WWOX: variants seen among roughly 807,000 people sequenced by gnomAD.
The protein encoded by WWOX is WW domain containing oxidoreductase.
WWOX carries 69 observed loss-of-function variants against 46.2 expected under a neutral mutation model. That is an observed-to-expected ratio of 1.49 (90% CI 1.23 to 1.82). The LOEUF (loss-of-function observed/expected upper bound fraction) is 1.82, where lower values mean the gene tolerates loss of function less well. Among genes scored for constraint, WWOX ranks in the 40% most tolerant of loss-of-function variants. The probability of loss-of-function intolerance (pLI) is 0.00; values close to 1 mark genes in which losing one functional copy is unlikely to be tolerated. For synonymous variants in WWOX, 359 were observed against 202.6 expected, an observed-to-expected ratio of 1.77 and a Z score of -6.56; for missense variants, 919 against 542.6, an observed-to-expected ratio of 1.69 and a Z score of -6.89.
At chr16:78,590,702 A>C (rs1476660847) in intron 8 of WWOX, among the ~76,000 whole-genome samples, 2 of 152,228 alleles carry the variant, frequency 1.3e-5, no homozygotes, top group Non-Finnish European at 2.9e-5. Context: ...GAGAAGGCAC[A>C]TCTCTACGTT....
At chr16:78,408,204 C>G (rs969133348) in intron 6 of WWOX, among the ~76,000 whole-genome samples, 1 of 152,184 alleles carries the variant, frequency 6.6e-6, no homozygotes, top group Non-Finnish European at 1.5e-5. Context: ...GTGCACTCTT[C>G]TGATTGATCC....
intron 8 of WWOX, among the ~76,000 whole-genome samples, chr16:79,074,967 G>A (rs775062517): frequency 7.9e-5 from 12 of 152,076 alleles, no homozygotes; most frequent in African/African-American, 2.9e-4. Context: ...AGTGGGAAAC[G>A]TCAGCTCTCT....
chr16:79,200,102 A>G (rs1597468853), intron 8 of WWOX, among the ~76,000 whole-genome samples: 1 of 152,142 alleles, frequency 6.6e-6, no homozygotes, highest in East Asian at 1.9e-4. Context: ...ACGAAGAGCA[A>G]TTTGCAGAAG....
intron 8 of WWOX, among the ~76,000 whole-genome samples, chr16:79,116,641 A>G (rs558956610): frequency 1.3e-5 from 2 of 152,246 alleles, no homozygotes; most frequent in South Asian, 2.1e-4. Flanking sequence ...TCTACCACAT[A>G]TGAGTCTTGA....
At chr16:79,207,908 A>G (rs190214520) in intron 8 of WWOX, among the ~76,000 whole-genome samples, 3 of 152,202 alleles carry the variant, frequency 2.0e-5, no homozygotes, top group Admixed American at 1.3e-4. Context: ...CAGTTATCAA[A>G]TGAATGTTGA....
intron 8 of WWOX, among the ~76,000 whole-genome samples, chr16:78,512,669 T>A (rs16947866): frequency 1.3e-5 from 2 of 152,176 alleles, no homozygotes; most frequent in African/African-American, 4.8e-5. Context: ...TCAATGAGAC[T>A]CATTTCGCAG....
chr16:79,106,151 G>A (rs888954096), intron 8 of WWOX, among the ~76,000 whole-genome samples: 13 of 152,192 alleles, frequency 8.5e-5, no homozygotes, highest in African/African-American at 1.7e-4. Flanking sequence ...GACCTACTGC[G>A]TCTGGGGGCA....
At chr16:78,401,547 GGAAA>G (rs1403085627) in intron 6 of WWOX, among the ~76,000 whole-genome samples, 15 of 152,230 alleles carry the variant, frequency 9.9e-5, no homozygotes, top group African/African-American at 2.9e-4. Flanking sequence ...ATGATTTAGG[GGAAA>G]GAGTCTGGAG....
intron 8 of WWOX, among the ~76,000 whole-genome samples, chr16:78,981,528 T>G (rs538382732): frequency 1.3e-5 from 2 of 151,998 alleles, no homozygotes; most frequent in South Asian, 2.1e-4. Flanking sequence ...ACCTCCACTT[T>G]CCGGGTTCAG....
intron 8 of WWOX, among the ~76,000 whole-genome samples, chr16:78,692,930 A>C (rs1469349945): frequency 1.3e-5 from 2 of 152,230 alleles, no homozygotes; most frequent in African/African-American, 2.4e-5. Context: ...ATGGTGTTTT[A>C]AAGCTAAAAC....
At chr16:79,165,561 G>T (rs1019014877) in intron 8 of WWOX, among the ~76,000 whole-genome samples, 3 of 152,126 alleles carry the variant, frequency 2.0e-5, no homozygotes, top group Non-Finnish European at 2.9e-5. Context: ...GTTTCAGCTG[G>T]GGTGCAGTTG....
At chr16:78,864,386 G>T (rs1289169023) in intron 8 of WWOX, among the ~76,000 whole-genome samples, 1 of 151,796 alleles carries the variant, frequency 6.6e-6, no homozygotes, top group African/African-American at 2.4e-5. Flanking sequence ...TCCCACCTCA[G>T]CCTCCTGAGT....
chr16:78,700,232 C>G (rs1157635072), intron 8 of WWOX, among the ~76,000 whole-genome samples: 7 of 150,566 alleles, frequency 4.6e-5, no homozygotes, highest in Non-Finnish European at 7.4e-5. Flanking sequence ...TGTCAGGGCA[C>G]CAGCATGGTT....
At chr16:78,473,952 G>A (rs2084295697) in intron 8 of WWOX, among the ~76,000 whole-genome samples, 1 of 152,168 alleles carries the variant, frequency 6.6e-6, no homozygotes. Context: ...TAATTCCTTG[G>A]AGGAACTTCT....
At chr16:79,000,954 G>T (rs543239236) in intron 8 of WWOX, among the ~76,000 whole-genome samples, 180 of 152,264 alleles carry the variant, frequency 1.2e-3, no homozygotes, top group African/African-American at 4.2e-3. Flanking sequence ...AATAGTGTGT[G>T]GTTCAACTAT....
At chr16:78,440,685 C>A (rs758589030) in intron 8 of WWOX, among the ~76,000 whole-genome samples, 1 of 151,730 alleles carries the variant, frequency 6.6e-6, no homozygotes, top group African/African-American at 2.4e-5. Flanking sequence ...GGCACAATCC[C>A]GGCTCACTGC....
At chr16:78,187,897 A>G (rs1450874105) in intron 5 of WWOX, among the ~76,000 whole-genome samples, 1 of 152,162 alleles carries the variant, frequency 6.6e-6, no homozygotes, top group East Asian at 1.9e-4. Context: ...TAGGGATTTC[A>G]GTGACGTAAC....
chr16:78,328,219 C>G (rs2080673544), intron 5 of WWOX, among the ~76,000 whole-genome samples: 1 of 151,930 alleles, frequency 6.6e-6, no homozygotes. Context: ...AACTCAAATT[C>G]CCGAACCTTC....
At position 78,152,014 on chromosome 16, in the gene WWOX, C is replaced by A. The variant is rs560679756; in HGVS notation, c.410-12169C>A. On this transcript the variant is annotated intron_variant, in intron 4 of 8. Coordinates refer to ENST00000566780, the MANE Select transcript of WWOX (RefSeq NM_016373.4). ...GACCGTCCTGGCTAACACGGTGAAA[C>A]CCCGTCTCTACTAAAAATACAAAAA... 1.6e-4 allele frequency among the ~76,000 whole-genome samples: 24 copies of A among 152,232 alleles called. No individual in the cohort carries two copies. In the East Asian group the frequency reaches 4.5e-3, roughly 28 times the overall value.
Sources: allele counts gnomAD v4.1 joint callset (sites outside exome capture counted in the v4.1 genomes callset), GRCh38; gene constraint gnomAD v4.1.1; transcripts MANE v1.5; gene names NCBI Gene and HGNC (gene_info 2026-07-23, HGNC 2026-07-21).